Variants in CCDC50 observed in about 807,000 individuals in gnomAD.
CCDC50 encodes coiled-coil domain-containing protein 50.
CCDC50 carries 54 observed loss-of-function variants against 70.2 expected under a neutral mutation model. That is an observed-to-expected ratio of 0.77 (90% confidence interval 0.62 to 0.96). CCDC50 has a LOEUF of 0.96. Ranked by LOEUF, CCDC50 falls within the 50% of genes least tolerant of loss-of-function variation. The pLI, the probability that CCDC50 is intolerant of heterozygous loss-of-function variation, is 0.00. For synonymous variants in CCDC50, 216 were observed against 198.8 expected (o/e 1.09, Z -0.73); for missense variants, 558 against 578.7 (o/e 0.96, Z 0.37).
chr3:191,361,567 C>A (rs562509438), intron 4 of CCDC50, among the ~76,000 whole-genome samples: 26 of 152,258 alleles, frequency 1.7e-4, no homozygotes, highest in Non-Finnish European at 2.9e-4. Context: ...TTTGGCATTC[C>A]TTGGCTTGTA....
At chr3:191,372,011 C>T (rs1048370943) in intron 5 of CCDC50, among the ~76,000 whole-genome samples, 5 of 152,040 alleles carry the variant, frequency 3.3e-5, no homozygotes, top group Non-Finnish European at 5.9e-5. Flanking sequence ...ATTAGGATGA[C>T]AAGGAATTAA....
chr3:191,342,889 G>T (rs1295135378), intron 1 of CCDC50, among the ~76,000 whole-genome samples: 1 of 152,190 alleles, frequency 6.6e-6, no homozygotes, highest in African/African-American at 2.4e-5. Context: ...ATGACTATCA[G>T]TGGCCTGTTT....
chr3:191,332,815 C>G (rs1055957745), intron 1 of CCDC50, among the ~76,000 whole-genome samples: 4 of 152,186 alleles, frequency 2.6e-5, no homozygotes, highest in African/African-American at 4.8e-5. Context: ...GTTCCTGTAT[C>G]GGTAAATGAA....
chr3:191,347,290 G>A lies in CCDC50; in HGVS notation c.50-9798G>A, dbSNP rs961190520. Among the ~76,000 whole-genome samples the A allele has an allele frequency of 2.8e-5, 4 of 141,408 alleles. 1 individual carries two copies. Among genetic ancestry groups the A allele is most frequent in the Admixed American group, 7.2e-5 (1 of 13,812 alleles). The allele number at this position is 141,408 out of a possible 152,430, so 92.8% of individuals were successfully genotyped here. A position where few individuals can be genotyped will look rare whatever the true frequency, so the allele number is the denominator to read the frequency against. ...CTTATACTTAATTTATTAACATTTT[G>A]TAATTCTTGGGATGATTTGGCAGTT... On this transcript the variant is annotated intron_variant, in intron 1 of 11. Coordinates refer to ENST00000392455, the MANE Select transcript of CCDC50 (RefSeq NM_178335.3).
In CCDC50 at chr3:191,375,156, A is replaced by G. The variant is rs765026689; in HGVS notation, c.543A>G (p.Lys181=). 1.2e-6 allele frequency: 2 copies of G among 1,613,772 alleles called. No homozygotes were observed. Among genetic ancestry groups the G allele is most frequent in the East Asian group, 2.2e-5 (1 of 44,882 alleles). The change falls in exon 6 of 12, where the codon AAA becomes AAG. Residue 181 remains lysine, a synonymous_variant. Transcript: ENST00000392455. The stretch of plus-strand genomic sequence containing the variant: ...ATGGAAAGACTGTGAAGCACAAGAA[A>G]GAGAAACCAGAACATCCACTGGAGA... ...QRDGKTVKHK[K]EKPEHPLENL...
chr3:191,389,202 T>C (rs1015378048), intron 10 of CCDC50, among the ~76,000 whole-genome samples: 4 of 152,188 alleles, frequency 2.6e-5, no homozygotes, highest in African/African-American at 4.8e-5. Flanking sequence ...TTATTTCTTA[T>C]AAATGGCAGC....
rs575050038 is a variant in CCDC50 at position 191,358,903 on chromosome 3, G to A, written c.239+779G>A. Among the ~76,000 whole-genome samples the A allele has an allele frequency of 1.1e-4, 17 of 152,302 alleles. No individual in the cohort carries two copies. The East Asian group carries it at 2.7e-3, about 24-fold the overall frequency. ...GTGTCATATTCAGGTAAAAAGGAAA[G>A]CCAGTCATTTTTGCTAACTTATAGG... On this transcript the variant is annotated intron_variant, in intron 3 of 11. Coordinates refer to ENST00000392455, the MANE Select transcript of CCDC50 (RefSeq NM_178335.3).
Position 191,395,439 on chromosome 3 carries a change from C to G in CCDC50, c.*3679C>G, listed in dbSNP as rs543733085. On this transcript the variant is annotated 3_prime_UTR_variant, in exon 12 of 12. Coordinates refer to ENST00000392455, the MANE Select transcript of CCDC50 (RefSeq NM_178335.3). ...TCCACAAGTGGTTAACATTTTAAGTCCTAGATTTTTTATGTCTTGCCTTTG... is the reference window on the plus strand; with the variant it reads ...TCCACAAGTGGTTAACATTTTAAGTGCTAGATTTTTTATGTCTTGCCTTTG... The G allele has an allele frequency of 6.6e-6, 1 of 152,204 alleles. No homozygotes were observed. Among genetic ancestry groups the G allele is most frequent in the East Asian group, 1.9e-4 (1 of 5,192 alleles). 9.4% of individuals were successfully genotyped at this position (152,204 alleles called of 1,614,324 possible).
At chr3:191,357,925 T>G (rs1391363146) in intron 2 of CCDC50, 73 bp from the exon 3 acceptor site, 10 of 1,590,480 alleles carry the variant, frequency 6.3e-6, no homozygotes, top group Non-Finnish European at 7.8e-6. Context: ...GTAAAGCTCT[T>G]AAGATTATTA....
chr3:191,367,066 A>G (rs562362949), intron 4 of CCDC50, among the ~76,000 whole-genome samples: 1 of 152,064 alleles, frequency 6.6e-6, no homozygotes, highest in Non-Finnish European at 1.5e-5. Context: ...TTTCCATTGA[A>G]TTTTTGTCCT....
intron 1 of CCDC50, among the ~76,000 whole-genome samples, chr3:191,353,621 C>A (rs1712175824): frequency 7.1e-6 from 1 of 141,552 alleles, no homozygotes; most frequent in African/African-American, 2.5e-5. Flanking sequence ...ACAAAGTTGA[C>A]TGAATATGTG....
chr3:191,356,301 A>C (rs900890851), intron 1 of CCDC50, among the ~76,000 whole-genome samples: 3 of 151,894 alleles, frequency 2.0e-5, no homozygotes, highest in African/African-American at 7.3e-5. Context: ...TTTACCCCAA[A>C]CCATTTCTTC....
chr3:191,392,689 A>C lies in CCDC50; in HGVS notation c.*929A>C, dbSNP rs1184617626. 5 of 152,198 alleles carry C rather than the reference A, an allele frequency of 3.3e-5. No homozygotes were observed. Among genetic ancestry groups the C allele is most frequent in the African/African-American group, 1.2e-4 (5 of 41,444 alleles). The allele number at this position is 152,198 out of a possible 1,614,324, so 9.4% of individuals were successfully genotyped here. A position where few individuals can be genotyped will look rare whatever the true frequency, so the allele number is the denominator to read the frequency against. Reference sequence around the variant, plus strand: ...CAGTAATTAAATTAATTCAACATGAAGTTGAATTTGATGAAGTGGTCATCT... The same window carrying C: ...CAGTAATTAAATTAATTCAACATGACGTTGAATTTGATGAAGTGGTCATCT... On this transcript the variant is annotated 3_prime_UTR_variant, in exon 12 of 12. Transcript: ENST00000392455.
At chr3:191,370,478 G>GT (rs1045993931) in intron 5 of CCDC50, among the ~76,000 whole-genome samples, 1 of 128,556 alleles carries the variant, frequency 7.8e-6, no homozygotes, top group African/African-American at 2.9e-5. Flanking sequence ...TTTTTTGTTT[G>GT]TTTTTTTGTT....
At chr3:191,383,658 TC>T (rs1713397416) in intron 10 of CCDC50, among the ~76,000 whole-genome samples, 1 of 152,204 alleles carries the variant, frequency 6.6e-6, no homozygotes, top group South Asian at 2.1e-4. Context: ...TAGACTTGTT[TC>T]CTTCAAGTGA....
chr3:191,359,899 T>C (rs1439331819), intron 3 of CCDC50, among the ~76,000 whole-genome samples: 1 of 152,176 alleles, frequency 6.6e-6, no homozygotes, highest in Non-Finnish European at 1.5e-5. Flanking sequence ...TCAGAAATTA[T>C]CAAGACAAAC....
intron 1 of CCDC50, among the ~76,000 whole-genome samples, chr3:191,345,532 A>G (rs952044605): frequency 2.0e-5 from 3 of 151,704 alleles, no homozygotes; most frequent in African/African-American, 7.3e-5. Flanking sequence ...TAAGTTACCC[A>G]CTTTACTCTG....
At chr3:191,348,303 G>A (rs1205730754) in intron 1 of CCDC50, among the ~76,000 whole-genome samples, 1 of 141,582 alleles carries the variant, frequency 7.1e-6, no homozygotes, top group Non-Finnish European at 1.6e-5. Flanking sequence ...CCATTTGCAA[G>A]CCTCTCCCAT....
intron 10 of CCDC50, among the ~76,000 whole-genome samples, chr3:191,389,152 T>G (rs996023527): frequency 1.3e-5 from 2 of 152,132 alleles, no homozygotes; most frequent in Non-Finnish European, 2.9e-5. Flanking sequence ...TTTATTCTGT[T>G]ATTTTTTCTT....
Sources: gnomAD v4.1 joint callset for allele counts (sites outside exome capture counted in the v4.1 genomes callset) on GRCh38, gnomAD v4.1.1 for gene constraint, MANE v1.5 for transcripts, NCBI Gene and HGNC (gene_info 2026-07-23, HGNC 2026-07-21) for gene names.